The following LDLRAP1 variants were observed in gnomAD, a reference collection of about 807,000 sequenced individuals.
LDLRAP1 encodes the protein low density lipoprotein receptor adaptor protein 1.
A neutral mutation model predicts 37.8 loss-of-function variants in LDLRAP1; 30 were observed. The observed-to-expected ratio is 0.79, with a 90% CI of 0.59 to 1.08. LDLRAP1 has a LOEUF of 1.08. Among genes scored for constraint, LDLRAP1 ranks in the 50% least tolerant of loss-of-function variants. The probability of loss-of-function intolerance (pLI) is 0.00; values close to 1 mark genes in which losing one functional copy is unlikely to be tolerated. For missense variants in LDLRAP1, 375 were observed against 401.6 expected, an observed-to-expected ratio of 0.93 and a Z score of 0.57; for synonymous variants, 156 against 169.8, an observed-to-expected ratio of 0.92 and a Z score of 0.63.
At chr1:25,561,854 G>A (rs944227634) in intron 4 of LDLRAP1, among the ~76,000 whole-genome samples, 7 of 152,124 alleles carry the variant, frequency 4.6e-5, no homozygotes, top group Admixed American at 1.3e-4. Flanking sequence ...AAAGCTGGGG[G>A]AAACACAGGC....
chr1:25,576,773 C>T, the LDLRAP1 span, among the ~76,000 whole-genome samples: 23 of 152,256 alleles, frequency 1.5e-4, no homozygotes, highest in Admixed American at 9.2e-4. Flanking sequence ...CCACCCCATC[C>T]GGCCTGCCCT....
At chr1:25,565,598 G>A (rs2044458559) in intron 8 of LDLRAP1, among the ~76,000 whole-genome samples, 1 of 152,108 alleles carries the variant, frequency 6.6e-6, no homozygotes, top group Non-Finnish European at 1.5e-5. Flanking sequence ...TTTATGAACA[G>A]GGGAAGGGAG....
Position 25,555,018 on chromosome 1 carries a change from A to G in LDLRAP1, c.344+46A>G, listed in dbSNP as rs759342552. The G allele has an allele frequency of 3.0e-6, 4 of 1,349,620 alleles. 1 individual carries two copies. The highest frequency in any genetic ancestry group is 2.4e-5 in the South Asian group (2 of 84,406). The allele number at this position is 1,349,620 out of a possible 1,614,324, so 83.6% of individuals were successfully genotyped here. A position where few individuals can be genotyped will look rare whatever the true frequency, so the allele number is the denominator to read the frequency against. The stretch of plus-strand genomic sequence containing the variant: ...GCCCATCCACTCTGCCACTTGGGGC[A>G]GTGGGTGGAGTATCCCATCTGAATC... On this transcript the variant is annotated intron_variant, in intron 3 of 8. Coordinates refer to ENST00000374338, the MANE Select transcript of LDLRAP1 (RefSeq NM_015627.3). The surrounding 1 kb of genome is among the most constrained non-coding windows in gnomAD (Gnocchi z 4.7).
intron 1 of LDLRAP1, among the ~76,000 whole-genome samples, chr1:25,545,324 G>A (rs2124637989): frequency 6.6e-6 from 1 of 152,282 alleles, no homozygotes; most frequent in Non-Finnish European, 1.5e-5. Flanking sequence ...ATCTGGGGAC[G>A]TGGAAGAGGT....
At chr1:25,579,274 T>C in the LDLRAP1 span, among the ~76,000 whole-genome samples, 1 of 152,152 alleles carries the variant, frequency 6.6e-6, no homozygotes, top group Non-Finnish European at 1.5e-5. Context: ...GAAAAGCACC[T>C]GCACACAGAT....
At position 25,557,437 on chromosome 1, in the gene LDLRAP1, G is replaced by A. The variant is rs554867325; in HGVS notation, c.459+170G>A. The stretch of plus-strand genomic sequence containing the variant: ...GTGCCGAGAGCTAAGGGGTACAGTG[G>A]TGGGGCTGCAGGCAGGCAGGTGAAC... On this transcript the variant is annotated intron_variant, in intron 4 of 8. Coordinates refer to ENST00000374338, the MANE Select transcript of LDLRAP1 (RefSeq NM_015627.3). 228 of 620,784 alleles carry A rather than the reference G, an allele frequency of 3.7e-4. 1 individual carries two copies. Among genetic ancestry groups the A allele is most frequent in the African/African-American group, 3.4e-3 (184 of 54,814 alleles). The allele number at this position is 620,784 out of a possible 1,614,324, so 38.5% of individuals were successfully genotyped here.
At chr1:25,577,935 G>A in the LDLRAP1 span, among the ~76,000 whole-genome samples, 23 of 152,346 alleles carry the variant, frequency 1.5e-4, no homozygotes, top group Non-Finnish European at 3.2e-4. Flanking sequence ...TAGGATTGTC[G>A]CAGTGGAGGT....
At chr1:25,569,967 CAGAA>C (rs1432151115), downstream of LDLRAP1, among the ~76,000 whole-genome samples, 2 of 152,238 alleles carry the variant, frequency 1.3e-5, no homozygotes, top group Non-Finnish European at 2.9e-5. Flanking sequence ...GTGACCCTCA[CAGAA>C]AGGCCACTCT....
chr1:25,558,045 A>G (rs990873081), intron 4 of LDLRAP1, among the ~76,000 whole-genome samples: 1 of 152,084 alleles, frequency 6.6e-6, no homozygotes, highest in Non-Finnish European at 1.5e-5. Context: ...CCCCCTGACC[A>G]CATCTTAGCT....
At chr1:25,587,290 C>A in the LDLRAP1 span, among the ~76,000 whole-genome samples, 4 of 152,068 alleles carry the variant, frequency 2.6e-5, no homozygotes, top group Non-Finnish European at 4.4e-5. Flanking sequence ...TAGCTGGGAC[C>A]ACAGGCATGT....
intron 3 of LDLRAP1, among the ~76,000 whole-genome samples, chr1:25,556,270 G>A (rs528050079): frequency 1.3e-5 from 2 of 152,302 alleles, no homozygotes; most frequent in East Asian, 3.9e-4. Context: ...AGACTCTGAG[G>A]CTGACTGGAG....
chr1:25,576,487 C>T, the LDLRAP1 span, among the ~76,000 whole-genome samples: 1 of 152,222 alleles, frequency 6.6e-6, no homozygotes, highest in Non-Finnish European at 1.5e-5. Flanking sequence ...GACCGTGCCA[C>T]TGCGCTCTAG....
downstream of LDLRAP1, among the ~76,000 whole-genome samples, chr1:25,569,832 C>T (rs569645912): frequency 6.6e-6 from 1 of 152,310 alleles, no homozygotes; most frequent in African/African-American, 2.4e-5. Flanking sequence ...GGCAGCTGTG[C>T]TTCAAGTGCT....
Position 25,554,100 on chromosome 1 carries a change from G to A in LDLRAP1, c.231+36G>A, listed in dbSNP as rs755650511. 12 of 1,610,676 alleles carry A rather than the reference G, an allele frequency of 7.5e-6. No homozygotes were observed. The highest frequency in any genetic ancestry group is 1.7e-4 in the Middle Eastern group (1 of 5,960). On this transcript the variant is annotated intron_variant, in intron 2 of 8. Transcript: ENST00000374338. This position sits in a 1 kb window ranked among gnomAD's most constrained non-coding sequence, Gnocchi z 5.4. ...CAGTCAGGAAGGGTGGGGGAACCAG[G>A]GACCAAGGACCAGCTTCTTCCCAGG...
intron 4 of LDLRAP1, among the ~76,000 whole-genome samples, chr1:25,558,609 C>G (rs2044266679): frequency 6.6e-6 from 1 of 152,084 alleles, no homozygotes; most frequent in East Asian, 1.9e-4. Flanking sequence ...GTTTGTGGGC[C>G]TGTCCTCATC....
chr1:25,562,019 C>G (rs1406608421), intron 4 of LDLRAP1, among the ~76,000 whole-genome samples: 1 of 152,030 alleles, frequency 6.6e-6, no homozygotes, highest in Non-Finnish European at 1.5e-5. Context: ...GAGGTGTGGC[C>G]CTTCCTTACA....
chr1:25,584,998 C>A, the LDLRAP1 span, among the ~76,000 whole-genome samples: 1 of 152,210 alleles, frequency 6.6e-6, no homozygotes, highest in African/African-American at 2.4e-5. Flanking sequence ...TTTTGTAGGT[C>A]AGACCAGGTC....
intron 8 of LDLRAP1, among the ~76,000 whole-genome samples, chr1:25,565,544 CTT>C (rs34585710): frequency 9.8e-5 from 14 of 142,292 alleles, no homozygotes; most frequent in Non-Finnish European, 9.3e-5. Context: ...CAAAAATGGG[CTT>C]TTTTTTTTTT....
chr1:25,546,278 G>C (rs555586199), intron 1 of LDLRAP1, among the ~76,000 whole-genome samples: 9 of 152,282 alleles, frequency 5.9e-5, no homozygotes, highest in South Asian at 2.1e-4. Flanking sequence ...CTCGAACCCT[G>C]CTCTCAGTTG....
Sources: allele counts gnomAD v4.1 joint callset (sites outside exome capture counted in the v4.1 genomes callset), GRCh38; gene constraint gnomAD v4.1.1; non-coding constraint Gnocchi (gnomAD v3.1); transcripts MANE v1.5; gene names NCBI Gene and HGNC (gene_info 2026-07-23, HGNC 2026-07-21).